Variants in ST8SIA2 observed in about 807,000 individuals in gnomAD.
ST8SIA2 encodes alpha-2,8-sialyltransferase 8B.
ST8SIA2 carries 22 observed loss-of-function variants against 37.6 expected under a neutral mutation model. The ratio of observed to expected loss-of-function variants is 0.58; its 90% CI spans 0.42 to 0.83. The LOEUF is 0.83. Ranked by LOEUF, ST8SIA2 falls within the 40% of genes least tolerant of loss-of-function variation. The probability of loss-of-function intolerance (pLI) is 0.00; values close to 1 mark genes in which losing one functional copy is unlikely to be tolerated. For synonymous variants in ST8SIA2, 205 were observed against 201.2 expected (o/e 1.02, Z -0.16); for missense variants, 382 against 484.7 (o/e 0.79, Z 1.99).
In ST8SIA2 at chr15:92,438,449, A is replaced by T; in HGVS notation, c.387A>T (p.Arg129=). ...PGDIIHYIFD[R]DSTMNVSQNL... The stretch of plus-strand genomic sequence containing the variant: ...ATATTATTCATTACATCTTCGATCG[A>T]GACAGCACCATGAATGTGTCCCAGA... The change falls in exon 4 of 6, where the codon CGA becomes CGT. Residue 129 remains arginine, a synonymous_variant. Coordinates refer to ENST00000268164, the MANE Select transcript of ST8SIA2 (RefSeq NM_006011.4). The T allele has an allele frequency of 6.2e-7, 1 of 1,614,228 alleles. No homozygotes were observed. Among genetic ancestry groups the T allele is most frequent in the Non-Finnish European group, 8.5e-7 (1 of 1,180,042 alleles).
intron 1 of ST8SIA2, among the ~76,000 whole-genome samples, chr15:92,399,582 TGCTCAACACGATGCA>T (rs2049455543): frequency 1.3e-5 from 2 of 151,992 alleles, no homozygotes; most frequent in African/African-American, 4.8e-5. Flanking sequence ...AGTACACGTT[TGCTCAACACGATGCA>T]TTTTTTTTTA....
intron 5 of ST8SIA2, among the ~76,000 whole-genome samples, chr15:92,445,798 T>A (rs940723835): frequency 1.3e-5 from 2 of 152,202 alleles, no homozygotes; most frequent in African/African-American, 4.8e-5. Flanking sequence ...GAACTATTCC[T>A]ATCAAGAAGT....
At chr15:92,399,144 G>C (rs774546653) in intron 1 of ST8SIA2, among the ~76,000 whole-genome samples, 1 of 152,196 alleles carries the variant, frequency 6.6e-6, no homozygotes, top group Non-Finnish European at 1.5e-5. Context: ...GTGACAGGAG[G>C]AAGGAAAGCT....
At chr15:92,436,900 G>A (rs1567219009) in intron 3 of ST8SIA2, among the ~76,000 whole-genome samples, 1 of 152,134 alleles carries the variant, frequency 6.6e-6, no homozygotes, top group African/African-American at 2.4e-5. Context: ...GTCACCCGGG[G>A]AGCTTTTGAG....
intron 4 of ST8SIA2, among the ~76,000 whole-genome samples, chr15:92,440,029 G>A (rs1464506062): frequency 6.6e-6 from 1 of 152,202 alleles, no homozygotes. Context: ...AGTCCCCACA[G>A]TGAGCTTTAC....
At chr15:92,439,783 AGGGAGGGTGAG>A (rs2049787552) in intron 4 of ST8SIA2, among the ~76,000 whole-genome samples, 4 of 151,906 alleles carry the variant, frequency 2.6e-5, no homozygotes, top group Admixed American at 2.6e-4. Context: ...AGACTGGTGG[AGGGAGGGTGAG>A]GGGAGGGGAA....
chr15:92,457,538 C>T (rs1016329600), intron 5 of ST8SIA2, among the ~76,000 whole-genome samples: 1 of 152,158 alleles, frequency 6.6e-6, no homozygotes, highest in Non-Finnish European at 1.5e-5. Flanking sequence ...GTCAATACAA[C>T]GTCCCGGATG....
intron 5 of ST8SIA2, among the ~76,000 whole-genome samples, chr15:92,456,626 G>T (rs567865994): frequency 6.6e-6 from 1 of 152,314 alleles, no homozygotes; most frequent in East Asian, 1.9e-4. Flanking sequence ...TCAAAGCCAA[G>T]ACCATAAGAA....
intron 1 of ST8SIA2, among the ~76,000 whole-genome samples, chr15:92,399,440 C>T (rs181285691): frequency 3.0e-4 from 45 of 152,212 alleles, no homozygotes; most frequent in Non-Finnish European, 4.3e-4. Flanking sequence ...TCAGCCATGA[C>T]GAGATCTGTG....
chr15:92,420,030 T>C (rs2049621062), intron 1 of ST8SIA2, among the ~76,000 whole-genome samples: 1 of 152,150 alleles, frequency 6.6e-6, no homozygotes, highest in Admixed American at 6.5e-5. Flanking sequence ...CACGCCCAGC[T>C]AATTTTTTGT....
chr15:92,452,188 C>G (rs114285765), intron 5 of ST8SIA2, among the ~76,000 whole-genome samples: 62 of 152,272 alleles, frequency 4.1e-4, no homozygotes, highest in African/African-American at 1.4e-3. Context: ...TGGTTCTTTA[C>G]ATTCATGGTC....
At chr15:92,437,867 C>A (rs2049770223) in intron 3 of ST8SIA2, among the ~76,000 whole-genome samples, 1 of 152,136 alleles carries the variant, frequency 6.6e-6, no homozygotes, top group African/African-American at 2.4e-5. Context: ...TTATACCTAG[C>A]CATTCATTTT....
intron 1 of ST8SIA2, among the ~76,000 whole-genome samples, chr15:92,395,808 T>C (rs954311383): frequency 1.3e-5 from 2 of 152,204 alleles, no homozygotes; most frequent in African/African-American, 4.8e-5. Context: ...TTTGCCCATG[T>C]GAGAGGGAAG....
In ST8SIA2 at chr15:92,464,762, C is replaced by T. The variant is rs188725518; in HGVS notation, c.*377C>T. 1.6e-5 allele frequency: 4 copies of T among 251,240 alleles called. No homozygotes were observed. Among genetic ancestry groups the T allele is most frequent in the African/African-American group, 6.8e-5 (3 of 44,442 alleles). 15.6% of individuals were successfully genotyped at this position (251,240 alleles called of 1,614,324 possible). Reference sequence around the variant, plus strand: ...GATCTTTGGGCTCATGGATGAATGGCGAGCCACCTGTTGTCAGCTGCCCCA... The same window carrying T: ...GATCTTTGGGCTCATGGATGAATGGTGAGCCACCTGTTGTCAGCTGCCCCA... On this transcript the variant is annotated 3_prime_UTR_variant, in exon 6 of 6. Coordinates refer to ENST00000268164, the MANE Select transcript of ST8SIA2 (RefSeq NM_006011.4).
chr15:92,405,112 AGG>A (rs1445490553), intron 1 of ST8SIA2, among the ~76,000 whole-genome samples: 1 of 152,166 alleles, frequency 6.6e-6, no homozygotes, highest in African/African-American at 2.4e-5. Context: ...TTTTTTAAAA[AGG>A]TATATCCATA....
rs1344855790 is a variant in ST8SIA2, at chr15:92,465,600, T to G, written c.*1215T>G. On this transcript the variant is annotated 3_prime_UTR_variant, in exon 6 of 6. Coordinates refer to ENST00000268164, the MANE Select transcript of ST8SIA2 (RefSeq NM_006011.4). ...TTACTTTCTTGTCACTTTCCTACCC[T>G]GATGGTCACACTAGCCCACCCCAAG... 1 of 152,210 alleles carries G rather than the reference T, an allele frequency of 6.6e-6. No individual in the cohort carries two copies. Among genetic ancestry groups the G allele is most frequent in the East Asian group, 1.9e-4 (1 of 5,196 alleles). 9.4% of individuals were successfully genotyped at this position (152,210 alleles called of 1,614,324 possible).
At chr15:92,431,997 C>G in intron 2 of ST8SIA2, among the ~76,000 whole-genome samples, 1 of 152,150 alleles carries the variant, frequency 6.6e-6, no homozygotes, top group Admixed American at 6.5e-5. Flanking sequence ...AGTCTGGAAA[C>G]CTTTCCTGGA....
At chr15:92,408,071 A>C (rs1337791733) in intron 1 of ST8SIA2, among the ~76,000 whole-genome samples, 1 of 152,176 alleles carries the variant, frequency 6.6e-6, no homozygotes, top group Non-Finnish European at 1.5e-5. Flanking sequence ...AGAGTGACTG[A>C]GTTAATCCTT....
In ST8SIA2 at chr15:92,444,730, G is replaced by A; in HGVS notation, c.643G>A (p.Glu215Lys). Reference sequence around the variant, plus strand: ...CCCCTCGGTCATCCAGCGGGCCTTTGAGGACTTGGTCAATGCCACGTGGCG... The same window carrying A: ...CCCCTCGGTCATCCAGCGGGCCTTTAAGGACTTGGTCAATGCCACGTGGCG... ...MNPSVIQRAF[E>K]DLVNATWREK... Residue 215 changes from glutamate to lysine, a missense_variant, in exon 5 of 6, where the codon GAG (glutamate) becomes AAG (lysine). By Grantham distance (56) the Glu-to-Lys change is moderately conservative. Transcript: ENST00000268164. The A allele has an allele frequency of 6.2e-7, 1 of 1,614,240 alleles. No individual in the cohort carries two copies. Among genetic ancestry groups the A allele is most frequent in the South Asian group, 1.1e-5 (1 of 91,086 alleles).
Sources: gnomAD v4.1 joint callset for allele counts (sites outside exome capture counted in the v4.1 genomes callset) on GRCh38, gnomAD v4.1.1 for gene constraint, MANE v1.5 for transcripts, NCBI Gene and HGNC (gene_info 2026-07-23, HGNC 2026-07-21) for gene names.